The following MYOF variants were observed in gnomAD, a reference collection of about 807,000 sequenced individuals.
The protein encoded by MYOF is fer-1-like 3, myoferlin.
A neutral mutation model predicts 284.2 loss-of-function variants in MYOF; 244 were observed. The ratio of observed to expected loss-of-function variants is 0.86; its 90% CI spans 0.77 to 0.95. The LOEUF is 0.95. Ranked by LOEUF, MYOF falls within the 40% of genes least tolerant of loss-of-function variation. The pLI, the probability that MYOF is intolerant of heterozygous loss-of-function variation, is 0.00. For synonymous variants in MYOF, 904 were observed against 919.7 expected, an observed-to-expected ratio of 0.98 and a Z score of 0.31; for missense variants, 2,496 against 2,560.6, an observed-to-expected ratio of 0.97 and a Z score of 0.54.
In MYOF at chr10:93,387,825, A is replaced by G. The variant is rs1237110144; in HGVS notation, c.1670T>C (p.Ile557Thr). 1.2e-6 allele frequency: 2 copies of G among 1,614,152 alleles called. No homozygotes were observed. The highest frequency in any genetic ancestry group is 1.7e-6 in the Non-Finnish European group (2 of 1,180,004). The change falls in exon 19 of 54, where the codon ATT (isoleucine) becomes ACT (threonine). Residue 557 changes from isoleucine (I) to threonine (T), a missense_variant. Ile to Thr is a moderately conservative substitution (Grantham distance 89). Transcript: ENST00000359263. Reference sequence around the variant, plus strand: ...AACAACCAGCAGGTCATCATTTGAAATGGGCTCAAGCTTTTTATCTGGTGG... The same window carrying G: ...AACAACCAGCAGGTCATCATTTGAAGTGGGCTCAAGCTTTTTATCTGGTGG... Reference protein sequence around the residue: ...KTPPDKKLEPISNDDLLVVEK... With the variant: ...KTPPDKKLEPTSNDDLLVVEK...
chr10:93,342,434 A>G (rs1843965949), intron 38 of MYOF, among the ~76,000 whole-genome samples: 1 of 152,204 alleles, frequency 6.6e-6, no homozygotes, highest in Admixed American at 6.5e-5. Context: ...TTATCAACAC[A>G]GTGTACCTCA....
chr10:93,452,540 C>T (rs1223215902), intron 2 of MYOF, among the ~76,000 whole-genome samples: 1 of 121,186 alleles, frequency 8.3e-6, no homozygotes, highest in Non-Finnish European at 1.6e-5. Flanking sequence ...GAACATCACA[C>T]ACTGGGGCCC....
intron 5 of MYOF, among the ~76,000 whole-genome samples, chr10:93,425,292 T>G (rs530681397): frequency 2.5e-4 from 38 of 152,046 alleles, no homozygotes; most frequent in Non-Finnish European, 1.5e-5. Context: ...AAGGGGCCCC[T>G]CCCTTCCTGG....
chr10:93,459,155 G>A (rs138613868), intron 1 of MYOF, among the ~76,000 whole-genome samples: 29 of 152,134 alleles, frequency 1.9e-4, no homozygotes. Flanking sequence ...CACTGCATCT[G>A]ACTCTGAGGT....
chr10:93,386,394 T>C (rs112423857), intron 19 of MYOF, among the ~76,000 whole-genome samples: 3 of 152,348 alleles, frequency 2.0e-5, no homozygotes, highest in African/African-American at 7.2e-5. Context: ...TATTGACTTT[T>C]GGCTCCGTGT....
Position 93,316,701 on chromosome 10 carries a change from A to C in MYOF, c.5698+13T>G. On this transcript the variant is annotated intron_variant, in intron 50 of 53. Coordinates refer to ENST00000359263, the MANE Select transcript of MYOF (RefSeq NM_013451.4). ...CAGTTTCTTAGAAACAATGATCCAA[A>C]TGTAAGCCCTACCCAAGTAGTCATC... 6.3e-7 allele frequency: 1 copy of C among 1,592,502 alleles called. No individual in the cohort carries two copies. Among genetic ancestry groups the C allele is most frequent in the Non-Finnish European group, 8.6e-7 (1 of 1,160,692 alleles).
intron 49 of MYOF, among the ~76,000 whole-genome samples, 179 bp from the exon 50 acceptor site, chr10:93,316,992 G>A (rs1048255273): frequency 2.0e-5 from 3 of 151,456 alleles, no homozygotes; most frequent in Non-Finnish European, 2.9e-5. Flanking sequence ...GAAATCACAA[G>A]CTGGGCAACT....
intron 22 of MYOF, among the ~76,000 whole-genome samples, 197 bp from the exon 23 acceptor site, chr10:93,375,152 T>C (rs552874884): frequency 4.6e-5 from 7 of 152,334 alleles, no homozygotes; most frequent in African/African-American, 1.4e-4. Flanking sequence ...GCCGGTCTCT[T>C]GATGTTCATA....
At chr10:93,334,162 G>C (rs141040736) in intron 41 of MYOF, among the ~76,000 whole-genome samples, 1 of 152,166 alleles carries the variant, frequency 6.6e-6, no homozygotes, top group Non-Finnish European at 1.5e-5. Flanking sequence ...AGGAGAACAT[G>C]GGCCAGTGTG....
At chr10:93,409,541 A>G in intron 6 of MYOF, 32 bp downstream of exon 6, 1 of 1,604,360 alleles carries the variant, frequency 6.2e-7, no homozygotes, top group East Asian at 2.2e-5. Flanking sequence ...ATAAAGATTA[A>G]ACAAAGAAGC....
chr10:93,324,821 C>A (rs1288525908), intron 46 of MYOF, among the ~76,000 whole-genome samples: 1 of 151,890 alleles, frequency 6.6e-6, no homozygotes, highest in African/African-American at 2.4e-5. Flanking sequence ...GCTCTGTCAC[C>A]CAGGCTAGAG....
At position 93,306,839 on chromosome 10, in the gene MYOF, C is replaced by A; in HGVS notation, c.*124G>T. 1.0e-6 allele frequency: 1 copy of A among 1,002,240 alleles called. No individual in the cohort carries two copies. 62.1% of individuals were successfully genotyped at this position (1,002,240 alleles called of 1,614,324 possible). A position where few individuals can be genotyped will look rare whatever the true frequency, so the allele number is the denominator to read the frequency against. On this transcript the variant is annotated 3_prime_UTR_variant, in exon 54 of 54. Transcript: ENST00000359263. ...AGACCCTCTGGGAATCAATGGGGCT[C>A]GGTGACATGGCGTAACCTGCTACTG...
At chr10:93,378,862 A>G (rs1845984282) in intron 21 of MYOF, among the ~76,000 whole-genome samples, 1 of 151,586 alleles carries the variant, frequency 6.6e-6, no homozygotes, top group East Asian at 1.9e-4. Flanking sequence ...ATAGGCTCAC[A>G]TCACCATGCC....
At chr10:93,377,539 A>G (rs1845891453) in intron 21 of MYOF, 110 bp from the exon 22 acceptor site, 2 of 799,484 alleles carry the variant, frequency 2.5e-6, no homozygotes, top group Non-Finnish European at 4.0e-6. Flanking sequence ...TATATTCAAA[A>G]AACAAATAAA....
At chr10:93,338,737 C>T (rs1891565) in intron 39 of MYOF, among the ~76,000 whole-genome samples, 100,253 of 151,940 alleles carry the variant, frequency 0.66, 34,541 homozygotes, top group East Asian at 0.97. Context: ...GAGTCCAATA[C>T]GTAGACAGTG....
chr10:93,359,853 T>G lies in MYOF; in HGVS notation c.3100A>C (p.Thr1034Pro). Residue 1034 changes from threonine (T) to proline (P), a missense_variant, in exon 29 of 54, where the codon ACT (threonine) becomes CCT (proline). Transcript: ENST00000359263. ...VRKRKKDLTQ[T>P]ASSTARAMEE... is the part of the protein sequence containing the mutation. The stretch of plus-strand genomic sequence containing the variant: ...CTTACCCTTGCGGTGCTTGAAGCAG[T>G]CTGTGTTAAATCTTTCTTGCGTTTT... 1.9e-6 allele frequency: 3 copies of G among 1,614,162 alleles called. No homozygotes were observed. The highest frequency in any genetic ancestry group is 2.5e-6 in the Non-Finnish European group (3 of 1,180,014).
intron 26 of MYOF, among the ~76,000 whole-genome samples, 155 bp downstream of exon 26, chr10:93,366,237 A>G (rs1435198419): frequency 2.0e-5 from 3 of 152,234 alleles, no homozygotes; most frequent in Non-Finnish European, 2.9e-5. Context: ...ATGGTGGAAC[A>G]TCTTTCAACT....
At chr10:93,471,950 A>G (rs1047206312) in intron 1 of MYOF, among the ~76,000 whole-genome samples, 26 of 151,778 alleles carry the variant, frequency 1.7e-4, no homozygotes, top group African/African-American at 6.1e-4. Context: ...GCAGAGGACC[A>G]AGGCTATTTC....
At chr10:93,334,795 A>G (rs950148519) in intron 41 of MYOF, among the ~76,000 whole-genome samples, 1 of 151,512 alleles carries the variant, frequency 6.6e-6, no homozygotes, top group African/African-American at 2.4e-5. Context: ...GAACTCAAAG[A>G]CTCCCGTCTG....
Sources: gnomAD v4.1 joint callset for allele counts (sites outside exome capture counted in the v4.1 genomes callset) on GRCh38, gnomAD v4.1.1 for gene constraint, MANE v1.5 for transcripts, NCBI Gene and HGNC (gene_info 2026-07-23, HGNC 2026-07-21) for gene names.